The following PRR5 variants were observed in gnomAD, a reference collection of about 807,000 sequenced individuals.
PRR5 encodes the protein proline-rich protein 5.
A neutral mutation model predicts 30.6 loss-of-function variants in PRR5; 25 were observed. The ratio of observed to expected loss-of-function variants is 0.82; its 90% confidence interval spans 0.60 to 1.14. PRR5 has a LOEUF of 1.14. Ranked by LOEUF, PRR5 falls within the 50% of genes most tolerant of loss-of-function variation. PRR5 has a pLI of 0.00. For missense variants in PRR5, 600 were observed against 547.1 expected (o/e 1.10, Z -0.96); for synonymous variants, 286 against 247.1 (o/e 1.16, Z -1.48).
chr22:44,692,235 G>T (rs1378248593), intron 1 of PRR5, among the ~76,000 whole-genome samples: 1 of 115,758 alleles, frequency 8.6e-6, no homozygotes, highest in East Asian at 2.7e-4. Flanking sequence ...TCCACCTGGC[G>T]CTCCTCCACC....
In PRR5 at chr22:44,677,937, C is replaced by T. The variant is rs1056449468; in HGVS notation, c.-11+697C>T. ...GCACCGGCTCCAGTTTCCAGAGAGG[C>T]CCTGGCAGGCTTTGCATTGGCTCAT... is the stretch of plus-strand genomic sequence containing the variant. On this transcript the variant is annotated intron_variant, in intron 1 of 8. Coordinates refer to the PRR5 transcript ENST00000006251. Among the ~76,000 whole-genome samples the T allele has an allele frequency of 2.0e-5, 3 of 152,338 alleles. No homozygotes were observed. The East Asian group carries it at 5.8e-4, about 29-fold the overall frequency.
rs12166515 is a variant in PRR5, at chr22:44,691,798, C to T, written c.-10-10694C>T. Among the ~76,000 whole-genome samples the T allele has an allele frequency of 0.049, 7,508 of 151,980 alleles. 378 individuals carry two copies. Among genetic ancestry groups the T allele is most frequent in the African/African-American group, 0.13 (5,242 of 41,428 alleles). ...TCAAAAAAAAAAAGACACTGAAATC[C>T]ACCAAGTTTTTTCCAGATGAGGACT... On this transcript the variant is annotated intron_variant, in intron 1 of 8. Transcript: ENST00000006251. This position sits in a 1 kb window ranked among gnomAD's most constrained non-coding sequence, Gnocchi z 4.4.
intron 1 of PRR5, among the ~76,000 whole-genome samples, chr22:44,706,688 A>AT (rs547832136): frequency 0.015 from 2,142 of 147,676 alleles, 17 homozygotes; most frequent in African/African-American, 0.018. Flanking sequence ...ACACCGGCTA[A>AT]TTTTTTTTTT....
chr22:44,679,877 C>T (rs1445124296), intron 1 of PRR5: 1 of 1,581,364 alleles, frequency 6.3e-7, no homozygotes, highest in Non-Finnish European at 8.6e-7. Context: ...AGCCTGAGGG[C>T]TTGTACAGGT....
intron 4 of PRR5, chr22:44,729,229 C>T (rs1569106738): frequency 1.2e-6 from 1 of 863,298 alleles, no homozygotes; most frequent in Non-Finnish European, 1.4e-6. Context: ...CCTGGTCCAC[C>T]CAGCGCGTGG....
intron 4 of PRR5, chr22:44,731,390 G>T: frequency 2.5e-6 from 1 of 406,984 alleles, no homozygotes; most frequent in African/African-American, 2.0e-5. Flanking sequence ...CACTTGTGTG[G>T]GTCTGGTATG....
At chr22:44,702,784 A>C (rs935128730) in intron 1 of PRR5, among the ~76,000 whole-genome samples, 176 bp downstream of exon 1, 2 of 152,106 alleles carry the variant, frequency 1.3e-5, no homozygotes, top group Non-Finnish European at 2.9e-5. Flanking sequence ...AGGAAAGTTC[A>C]GTGCAGCGTG....
At chr22:44,697,785 G>A (rs1569076419), upstream of PRR5, among the ~76,000 whole-genome samples, 1 of 152,214 alleles carries the variant, frequency 6.6e-6, no homozygotes, top group East Asian at 1.9e-4. Flanking sequence ...ATACGCCTCG[G>A]CCTCCCTGGG....
intron 1 of PRR5, among the ~76,000 whole-genome samples, chr22:44,686,423 G>A (rs953231188): frequency 5.3e-5 from 8 of 151,150 alleles, no homozygotes; most frequent in African/African-American, 1.7e-4. Context: ...TGCAACGTGT[G>A]CCTCCCGGGA....
At chr22:44,719,603 C>T (rs1161899246) in intron 2 of PRR5, among the ~76,000 whole-genome samples, 1 of 152,134 alleles carries the variant, frequency 6.6e-6, no homozygotes, top group South Asian at 2.1e-4. Context: ...TGCTATGTGC[C>T]GCCTGTGTTG....
intron 1 of PRR5, among the ~76,000 whole-genome samples, chr22:44,669,780 C>T (rs903554143): frequency 6.6e-6 from 1 of 151,864 alleles, no homozygotes; most frequent in Admixed American, 6.6e-5. Flanking sequence ...CCATGAGGAC[C>T]GTGTGGGGTG....
chr22:44,682,693 C>T (rs989953948), intron 1 of PRR5, among the ~76,000 whole-genome samples: 11 of 152,180 alleles, frequency 7.2e-5, no homozygotes, highest in Admixed American at 3.3e-4. Flanking sequence ...ATGGCTCTCT[C>T]GACACGGGAA....
chr22:44,732,635 G>A (rs917243135), intron 6 of PRR5, among the ~76,000 whole-genome samples: 6 of 152,126 alleles, frequency 3.9e-5, no homozygotes, highest in East Asian at 1.9e-4. Context: ...ACCCTGTGTC[G>A]GCCAGCCTGG....
At position 44,683,968 on chromosome 22, in the gene PRR5, C is replaced by T. The variant is rs538163966; in HGVS notation, c.-11+6728C>T. Among the ~76,000 whole-genome samples the T allele has an allele frequency of 1.4e-4, 22 of 152,388 alleles. No homozygotes were observed. In the South Asian group the frequency reaches 3.3e-3, roughly 23 times the overall value. On this transcript the variant is annotated intron_variant, in intron 1 of 8. Coordinates refer to the PRR5 transcript ENST00000006251. ...TAGCCCAGGAACAGGGGCTGGGCCC[C>T]TCGCAGGGGTTGGTTTCATTGGCTT...
rs369157990 is a variant in PRR5 at position 44,736,894 on chromosome 22, G to T, written c.814G>T (p.Ala272Ser). 2 of 1,608,754 alleles carry T rather than the reference G, an allele frequency of 1.2e-6. No homozygotes were observed. Among genetic ancestry groups the T allele is most frequent in the African/African-American group, 2.7e-5 (2 of 74,912 alleles). ...GCAGGAGCACGAGGCGGAGGGCGCG[G>T]CGGCCGGCGGTACCAGCATCCGCAG... The part of the protein sequence containing the change: ...PVQEHEAEGA[A>S]AGGTSIRRHS... Residue 272 changes from alanine (A) to serine (S), a missense_variant, in exon 8 of 8, where the codon GCG becomes TCG. Physicochemically the swap from Ala to Ser is moderately conservative, Grantham distance 99 (BLOSUM62 1). Transcript: ENST00000336985.
rs1381152838 is a variant in PRR5, at chr22:44,732,442, G to A, written c.555+51G>A. 3.2e-6 allele frequency: 5 copies of A among 1,575,822 alleles called. No homozygotes were observed. In the South Asian group the frequency reaches 5.6e-5, roughly 18 times the overall value. On this transcript the variant is annotated intron_variant, in intron 6 of 7. Transcript: ENST00000336985. ...GCATGGGGACCGTGGGGCAGTAATT[G>A]GGCTCAGGTCCCCACAGGCAGAGCA...
intron 1 of PRR5, among the ~76,000 whole-genome samples, chr22:44,670,456 G>A (rs907608780): frequency 6.6e-6 from 1 of 152,202 alleles, no homozygotes; most frequent in African/African-American, 2.4e-5. Flanking sequence ...TTACTCACCT[G>A]AAAACTGGCG....
intron 2 of PRR5, among the ~76,000 whole-genome samples, chr22:44,721,896 G>A (rs1382956502): frequency 6.6e-6 from 1 of 152,202 alleles, no homozygotes; most frequent in African/African-American, 2.4e-5. Flanking sequence ...CTCACCTGGT[G>A]CCCTGCTCTC....
At chr22:44,732,994 G>A (rs896103205) in intron 6 of PRR5, among the ~76,000 whole-genome samples, 12 of 143,408 alleles carry the variant, frequency 8.4e-5, no homozygotes, top group Admixed American at 2.1e-4. Flanking sequence ...ATACATGTGC[G>A]CGCACACATA....
Sources: allele counts gnomAD v4.1 joint callset (sites outside exome capture counted in the v4.1 genomes callset), GRCh38; gene constraint gnomAD v4.1.1; non-coding constraint Gnocchi (gnomAD v3.1); transcripts MANE v1.5; gene names NCBI Gene and HGNC (gene_info 2026-07-23, HGNC 2026-07-21).